The following NEMP2 variants were observed in gnomAD, a reference collection of about 807,000 sequenced individuals.
NEMP2 encodes the protein UPF0571 transmembrane protein.
In NEMP2, 53 loss-of-function variants were observed where a neutral mutation model predicts 54.2. The observed-to-expected ratio is 0.98, with a 90% CI of 0.78 to 1.23. The LOEUF (loss-of-function observed/expected upper bound fraction) is 1.23, where lower values mean the gene tolerates loss of function less well. Among genes scored for constraint, NEMP2 ranks in the 50% most tolerant of loss-of-function variants. The pLI, the probability that NEMP2 is intolerant of heterozygous loss-of-function variation, is 0.00. For missense variants in NEMP2, 455 were observed against 511.3 expected, an observed-to-expected ratio of 0.89 and a Z score of 1.06; for synonymous variants, 197 against 190.3, an observed-to-expected ratio of 1.04 and a Z score of -0.29.
chr2:190,508,868 G>T lies in NEMP2; in HGVS notation c.*321C>A. The T allele has an allele frequency of 3.5e-6, 1 of 284,354 alleles. No homozygotes were observed. Among genetic ancestry groups the T allele is most frequent in the Non-Finnish European group, 6.7e-6 (1 of 149,692 alleles). The allele number at this position is 284,354 out of a possible 1,614,324, so 17.6% of individuals were successfully genotyped here. A position where few individuals can be genotyped will look rare whatever the true frequency, so the allele number is the denominator to read the frequency against. On this transcript the variant is annotated 3_prime_UTR_variant, in exon 9 of 9. Transcript: ENST00000409150. This position sits in a 1 kb window ranked among gnomAD's most constrained non-coding sequence, Gnocchi z 4.3. ...AGACCAGATTTAGTGCCCTGGTGTCGACAAAGCACCTGTTCATGCTTACTA... is the reference window on the plus strand; with the variant it reads ...AGACCAGATTTAGTGCCCTGGTGTCTACAAAGCACCTGTTCATGCTTACTA...
the NEMP2 span, among the ~76,000 whole-genome samples, chr2:190,470,571 G>A: frequency 1.3e-5 from 2 of 152,168 alleles, no homozygotes; most frequent in East Asian, 1.9e-4. Context: ...GGACAAGATC[G>A]CTGGAGTTGA....
At chr2:190,511,553 A>ATTTTT (rs72470733) in intron 7 of NEMP2, among the ~76,000 whole-genome samples, 2 of 133,688 alleles carry the variant, frequency 1.5e-5, no homozygotes, top group Admixed American at 7.5e-5. Flanking sequence ...ATTAAATTTA[A>ATTTTT]TTTTTTTTTT....
At chr2:190,428,397 A>G in the NEMP2 span, among the ~76,000 whole-genome samples, 1 of 152,198 alleles carries the variant, frequency 6.6e-6, no homozygotes, top group Admixed American at 6.5e-5. Context: ...AAAGTAGTGT[A>G]TCAATTTACA....
the NEMP2 span, among the ~76,000 whole-genome samples, chr2:190,632,566 C>T: frequency 1.3e-5 from 2 of 152,266 alleles, no homozygotes; most frequent in East Asian, 1.9e-4. The surrounding 1 kb of genome is among the most constrained non-coding windows in gnomAD (Gnocchi z 4.8). Flanking sequence ...TTACCCTGAT[C>T]AATCTTGAAA....
downstream of NEMP2, chr2:190,500,071 TGA>T (rs1393595382): frequency 1.2e-6 from 2 of 1,614,098 alleles, no homozygotes; most frequent in African/African-American, 2.7e-5. This position sits in a 1 kb window ranked among gnomAD's most constrained non-coding sequence, Gnocchi z 5.3. Context: ...CTGTCCCATG[TGA>T]GACTCACTCT....
chr2:190,463,991 G>T, the NEMP2 span: 1 of 713,796 alleles, frequency 1.4e-6, no homozygotes, highest in Non-Finnish European at 1.7e-6. This position sits in a 1 kb window ranked among gnomAD's most constrained non-coding sequence, Gnocchi z 4.4. Context: ...CTTTTCATTA[G>T]GAAATCTAGT....
At chr2:190,557,705 A>T in the NEMP2 span, among the ~76,000 whole-genome samples, 2 of 152,274 alleles carry the variant, frequency 1.3e-5, no homozygotes, top group African/African-American at 2.4e-5. Context: ...CTATGTGGCC[A>T]ACAAACATAT....
chr2:190,471,369 G>A, the NEMP2 span, among the ~76,000 whole-genome samples: 3 of 152,182 alleles, frequency 2.0e-5, no homozygotes, highest in Non-Finnish European at 4.4e-5. This position sits in a 1 kb window ranked among gnomAD's most constrained non-coding sequence, Gnocchi z 4.7. Flanking sequence ...GATGGCACCT[G>A]GAAAATTGGG....
the NEMP2 span, among the ~76,000 whole-genome samples, chr2:190,431,382 G>A: frequency 0.015 from 2,354 of 152,318 alleles, 70 homozygotes; most frequent in African/African-American, 0.053. This position sits in a 1 kb window ranked among gnomAD's most constrained non-coding sequence, Gnocchi z 4.4. Flanking sequence ...GTAGCGAGCC[G>A]AGATCACCCC....
the NEMP2 span, among the ~76,000 whole-genome samples, chr2:190,589,158 A>T: frequency 6.6e-6 from 1 of 152,108 alleles, no homozygotes; most frequent in Admixed American, 6.6e-5. This position sits in a 1 kb window ranked among gnomAD's most constrained non-coding sequence, Gnocchi z 4.3. Context: ...TCTCTGACTG[A>T]TGATTTTGTT....
At chr2:190,431,588 G>A in the NEMP2 span, among the ~76,000 whole-genome samples, 12 of 152,322 alleles carry the variant, frequency 7.9e-5, no homozygotes, top group African/African-American at 2.6e-4. This position sits in a 1 kb window ranked among gnomAD's most constrained non-coding sequence, Gnocchi z 4.4. Flanking sequence ...GCCTGCAATC[G>A]CAGGCACTTG....
the NEMP2 span, among the ~76,000 whole-genome samples, chr2:190,427,251 G>C: frequency 6.6e-6 from 1 of 152,206 alleles, no homozygotes; most frequent in Non-Finnish European, 1.5e-5. Flanking sequence ...GAAAGTCCTT[G>C]CTCCTTTATC....
chr2:190,618,888 G>A, the NEMP2 span, among the ~76,000 whole-genome samples: 2 of 152,278 alleles, frequency 1.3e-5, no homozygotes, highest in African/African-American at 2.4e-5. Flanking sequence ...AACTTTTTAC[G>A]TACTCTGTGA....
chr2:190,641,881 G>A, the NEMP2 span, among the ~76,000 whole-genome samples: 1 of 152,146 alleles, frequency 6.6e-6, no homozygotes, highest in Non-Finnish European at 1.5e-5. Context: ...AGAAAAACAA[G>A]GCTCTAATCC....
intron 1 of NEMP2, 85 bp downstream of exon 1, chr2:190,534,474 G>A (rs1322929711): frequency 6.3e-6 from 8 of 1,276,726 alleles, no homozygotes; most frequent in South Asian, 2.6e-5. Flanking sequence ...GGTGCCGCCC[G>A]GGCCAAAGAG....
the NEMP2 span, among the ~76,000 whole-genome samples, chr2:190,434,377 T>C: frequency 1.3e-5 from 2 of 152,314 alleles, no homozygotes; most frequent in Non-Finnish European, 2.9e-5. The surrounding 1 kb of genome is among the most constrained non-coding windows in gnomAD (Gnocchi z 4.3). Context: ...ACAGTTCCTA[T>C]AAATTTATAT....
upstream of NEMP2, among the ~76,000 whole-genome samples, chr2:190,537,560 G>A (rs925881018): frequency 1.6e-4 from 24 of 152,192 alleles, no homozygotes; most frequent in African/African-American, 5.3e-4. Context: ...ATGCAGAACT[G>A]TGAGTCAATT....
At position 190,525,320 on chromosome 2, in the gene NEMP2, A is replaced by AT; in HGVS notation, c.155_156insA (p.Cys52Ter). ...KDLIRTSESD[C>*]YCYNQNSQVE... Reference sequence around the variant, plus strand: ...CTTGGGAATTTTGATTGTAGCAGTAACAGTCTGACTCAGACGTTCTAATTA... The same window carrying AT: ...CTTGGGAATTTTGATTGTAGCAGTAATCAGTCTGACTCAGACGTTCTAATTA... The change falls in exon 2 of 9, where the codon TGT (cysteine) becomes TGAT (stop). Residue 52 changes from cysteine to a stop codon, truncating the protein, a stop_gained and frameshift_variant. Transcript: ENST00000409150. LOFTEE classifies it high-confidence loss of function. The surrounding 1 kb of genome is among the most constrained non-coding windows in gnomAD (Gnocchi z 5.0). 6.4e-7 allele frequency: 1 copy of AT among 1,551,000 alleles called. No homozygotes were observed. The highest frequency in any genetic ancestry group is 8.7e-7 in the Non-Finnish European group (1 of 1,146,574).
At chr2:190,436,413 T>C in the NEMP2 span, 1 of 1,614,194 alleles carries the variant, frequency 6.2e-7, no homozygotes, top group Non-Finnish European at 8.5e-7. The surrounding 1 kb of genome is among the most constrained non-coding windows in gnomAD (Gnocchi z 5.3). Context: ...CAGACCGCTT[T>C]AAAAAAGGCA....
Sources: gnomAD v4.1 joint callset for allele counts (sites outside exome capture counted in the v4.1 genomes callset) on GRCh38, gnomAD v4.1.1 for gene constraint, Gnocchi (gnomAD v3.1) non-coding constraint, MANE v1.5 for transcripts, NCBI Gene and HGNC (gene_info 2026-07-23, HGNC 2026-07-21) for gene names.